The following CCDC91 variants were observed in gnomAD, a reference collection of about 807,000 sequenced individuals.
The protein encoded by CCDC91 is coiled-coil domain-containing protein 91.
Under a neutral mutation model 63.2 loss-of-function variants are expected in CCDC91, and 48 were observed. The ratio of observed to expected loss-of-function variants is 0.76; its 90% CI spans 0.60 to 0.97. The LOEUF is 0.97. Ranked by LOEUF, CCDC91 falls within the 50% of genes least tolerant of loss-of-function variation. CCDC91 has a pLI of 0.00. For missense variants in CCDC91, 500 were observed against 494.6 expected, an observed-to-expected ratio of 1.01 and a Z score of -0.10; for synonymous variants, 167 against 165.8, an observed-to-expected ratio of 1.01 and a Z score of -0.06.
chr12:28,249,771 C>A (rs1327728064), intron 1 of CCDC91, among the ~76,000 whole-genome samples: 1 of 150,712 alleles, frequency 6.6e-6, no homozygotes, highest in East Asian at 2.0e-4. Flanking sequence ...AGTACTTCTT[C>A]AATCACATTT....
intron 12 of CCDC91, among the ~76,000 whole-genome samples, chr12:28,511,153 C>T (rs1939332435): frequency 6.6e-6 from 1 of 151,856 alleles, no homozygotes; most frequent in Non-Finnish European, 1.5e-5. Flanking sequence ...GAATATCTCT[C>T]AACTATGTCA....
intron 7 of CCDC91, among the ~76,000 whole-genome samples, chr12:28,366,277 C>T (rs1249611832): frequency 2.0e-5 from 3 of 152,088 alleles, no homozygotes; most frequent in Non-Finnish European, 2.9e-5. Context: ...AGTGGGTTCC[C>T]CGGATTTTCT....
At position 28,201,855 on chromosome 12, in the gene CCDC91, G is replaced by A. The variant is rs1458415168; in HGVS notation, c.-15+11214G>A. On this transcript the variant is annotated intron_variant, in intron 1 of 12. Coordinates refer to ENST00000536442, the MANE Select transcript of CCDC91 (RefSeq NM_018318.5). ...AGCCCGGCCAACACAGCGAAACCCC[G>A]TCTCCACCAAAAAAATACAAAAACC... is the stretch of plus-strand genomic sequence containing the variant. Among the ~76,000 whole-genome samples the A allele has an allele frequency of 3.5e-5, 5 of 143,580 alleles. No individual in the cohort carries two copies. The East Asian group carries it at 7.8e-4, about 22-fold the overall frequency. 94.2% of individuals were successfully genotyped at this position (143,580 alleles called of 152,430 possible). A position where few individuals can be genotyped will look rare whatever the true frequency, so the allele number is the denominator to read the frequency against.
intron 1 of CCDC91, among the ~76,000 whole-genome samples, chr12:28,245,922 G>T (rs904167556): frequency 6.6e-6 from 1 of 152,064 alleles, no homozygotes. Context: ...ATATACTCAA[G>T]GGAAGTTCTG....
Position 28,549,164 on chromosome 12 carries a change from C to T in CCDC91, c.1317C>T (p.Asp439=). ...LSALIATEPV[D]IE Reference sequence around the variant, plus strand: ...CTTTAATAGCTACGGAACCAGTTGACATTGAATAAAAAGAACATGACAAAC... The same window carrying T: ...CTTTAATAGCTACGGAACCAGTTGATATTGAATAAAAAGAACATGACAAAC... Residue 439 remains aspartate (D), a synonymous_variant, in exon 13 of 13, where the codon GAC becomes GAT. Coordinates refer to ENST00000536442, the MANE Select transcript of CCDC91 (RefSeq NM_018318.5). The T allele has an allele frequency of 6.3e-7, 1 of 1,596,886 alleles. No homozygotes were observed. Among genetic ancestry groups the T allele is most frequent in the South Asian group, 1.1e-5 (1 of 90,590 alleles).
chr12:28,218,192 T>C (rs1321031330), intron 1 of CCDC91, among the ~76,000 whole-genome samples: 1 of 152,078 alleles, frequency 6.6e-6, no homozygotes, highest in African/African-American at 2.4e-5. Flanking sequence ...TGGTAGCTAC[T>C]GTAGTTCTGC....
chr12:28,549,649 T>C lies in CCDC91; in HGVS notation c.*476T>C, dbSNP rs897333635. The C allele has an allele frequency of 1.3e-5, 2 of 152,240 alleles. No individual in the cohort carries two copies. The highest frequency in any genetic ancestry group is 4.8e-5 in the African/African-American group (2 of 41,456). 9.4% of individuals were successfully genotyped at this position (152,240 alleles called of 1,614,324 possible). On this transcript the variant is annotated 3_prime_UTR_variant, in exon 13 of 13. Coordinates refer to ENST00000536442, the MANE Select transcript of CCDC91 (RefSeq NM_018318.5). ...TGTATAATTGGAAATAAAACACCGA[T>C]ATGATAGAGAATCATTCCGGCATTA...
At chr12:28,534,322 A>G (rs1183771336) in intron 12 of CCDC91, among the ~76,000 whole-genome samples, 1 of 152,182 alleles carries the variant, frequency 6.6e-6, no homozygotes, top group African/African-American at 2.4e-5. Context: ...TCTCAGTTTT[A>G]ATATTTATAA....
intron 8 of CCDC91, among the ~76,000 whole-genome samples, chr12:28,425,663 C>T (rs569989940): frequency 1.3e-5 from 2 of 152,288 alleles, no homozygotes; most frequent in East Asian, 1.9e-4. Context: ...TACTCTGACA[C>T]CTGACACTTG....
intron 12 of CCDC91, among the ~76,000 whole-genome samples, chr12:28,507,023 C>T (rs1938811691): frequency 6.6e-6 from 1 of 151,880 alleles, no homozygotes; most frequent in South Asian, 2.1e-4. Flanking sequence ...TAATTTTTCT[C>T]TGATGCAAAT....
At chr12:28,259,465 G>GT (rs79131127) in intron 3 of CCDC91, 23 bp downstream of exon 3, 37,525 of 1,136,176 alleles carry the variant, frequency 0.033, no homozygotes, top group Non-Finnish European at 0.036. Context: ...AGGAATTAGG[G>GT]TTTTTTTTTT....
chr12:28,193,077 G>C (rs1941406542), intron 1 of CCDC91, among the ~76,000 whole-genome samples: 1 of 152,104 alleles, frequency 6.6e-6, no homozygotes, highest in Non-Finnish European at 1.5e-5. Flanking sequence ...TTGATGCTTG[G>C]TTGTTTTTTA....
intron 8 of CCDC91, among the ~76,000 whole-genome samples, chr12:28,419,746 A>T (rs942960414): frequency 7.3e-6 from 1 of 137,926 alleles, no homozygotes; most frequent in African/African-American, 2.6e-5. Context: ...TGTTTTTTTT[A>T]AATTATCATT....
At chr12:28,543,893 A>G (rs1311302858) in intron 12 of CCDC91, among the ~76,000 whole-genome samples, 1 of 151,934 alleles carries the variant, frequency 6.6e-6, no homozygotes, top group African/African-American at 2.4e-5. Flanking sequence ...CTTCCAATCC[A>G]TCAGCAACTC....
intron 12 of CCDC91, among the ~76,000 whole-genome samples, chr12:28,536,279 CTT>C (rs1050109397): frequency 3.3e-5 from 5 of 152,168 alleles, no homozygotes; most frequent in African/African-American, 1.2e-4. Context: ...ATGACATTAA[CTT>C]ACGAAATTTC....
intron 1 of CCDC91, among the ~76,000 whole-genome samples, chr12:28,250,870 A>G (rs1470217216): frequency 6.6e-6 from 1 of 151,940 alleles, no homozygotes; most frequent in African/African-American, 2.4e-5. Context: ...TGACCCAATA[A>G]GCCTGAAATT....
At chr12:28,263,569 C>T (rs1279120651) in intron 3 of CCDC91, among the ~76,000 whole-genome samples, 3 of 151,846 alleles carry the variant, frequency 2.0e-5, no homozygotes, top group Non-Finnish European at 4.4e-5. Flanking sequence ...CTATATAGAC[C>T]ACATTTTGTT....
At chr12:28,442,038 G>C (rs1949252804) in intron 8 of CCDC91, among the ~76,000 whole-genome samples, 1 of 151,854 alleles carries the variant, frequency 6.6e-6, no homozygotes, top group Non-Finnish European at 1.5e-5. Context: ...GCAGAATATT[G>C]ATAATTGTTG....
At chr12:28,278,631 A>G (rs1426231867) in intron 3 of CCDC91, among the ~76,000 whole-genome samples, 5 of 152,040 alleles carry the variant, frequency 3.3e-5, no homozygotes, top group Admixed American at 6.6e-5. Context: ...GAGTGTCTGT[A>G]ATCATCATGT....
Sources: allele counts gnomAD v4.1 joint callset (sites outside exome capture counted in the v4.1 genomes callset), GRCh38; gene constraint gnomAD v4.1.1; transcripts MANE v1.5; gene names NCBI Gene and HGNC (gene_info 2026-07-23, HGNC 2026-07-21).